The following CXADR variants were observed in gnomAD, a reference collection of about 807,000 sequenced individuals.
CXADR encodes CXADR cell adhesion molecule, also known as coxsackievirus and adenovirus receptor.
A neutral mutation model predicts 40.3 loss-of-function variants in CXADR; 20 were observed. That is an observed-to-expected ratio of 0.50 (90% CI 0.35 to 0.72). The LOEUF is 0.72. Among genes scored for constraint, CXADR ranks in the 30% least tolerant of loss-of-function variants. The pLI, the probability that CXADR is intolerant of heterozygous loss-of-function variation, is 0.01. For synonymous variants in CXADR, 150 were observed against 161.3 expected, an observed-to-expected ratio of 0.93 and a Z score of 0.53; for missense variants, 332 against 449.1, an observed-to-expected ratio of 0.74 and a Z score of 2.36.
chr21:17,553,614 C>CTTTTTTTTT (rs10710377), intron 3 of CXADR, among the ~76,000 whole-genome samples: 4 of 128,272 alleles, frequency 3.1e-5, no homozygotes, highest in Non-Finnish European at 5.1e-5. Flanking sequence ...GGTCCGAATT[C>CTTTTTTTTT]TTTTTTTTTT....
chr21:17,542,975 G>T, intron 1 of CXADR: 1 of 278,960 alleles, frequency 3.6e-6, no homozygotes, highest in Admixed American at 4.8e-5. Flanking sequence ...AGTGTTGCTA[G>T]GAAACCCAGG....
the CXADR span, among the ~76,000 whole-genome samples, chr21:17,616,828 A>G: frequency 6.6e-6 from 1 of 152,240 alleles, no homozygotes. Context: ...GAACTTAGCC[A>G]TGTAACTAAA....
At chr21:17,564,679 C>CT (rs2061178624) in intron 6 of CXADR, among the ~76,000 whole-genome samples, 1 of 152,060 alleles carries the variant, frequency 6.6e-6, no homozygotes, top group Admixed American at 6.5e-5. Flanking sequence ...TTTTAGATAA[C>CT]TTTAATATAA....
At chr21:17,586,296 A>C (rs973175959) in intron 7 of CXADR, among the ~76,000 whole-genome samples, 3 of 151,124 alleles carry the variant, frequency 2.0e-5, no homozygotes, top group African/African-American at 7.3e-5. Context: ...ATTTTGTGAA[A>C]ATTTAAAATT....
downstream of CXADR, among the ~76,000 whole-genome samples, chr21:17,574,816 A>G (rs1305243523): frequency 6.6e-6 from 1 of 152,102 alleles, no homozygotes; most frequent in Non-Finnish European, 1.5e-5. Flanking sequence ...AGATATGCAA[A>G]TGGAGATGTT....
downstream of CXADR, chr21:17,594,451 C>A: frequency 8.5e-7 from 1 of 1,177,516 alleles, no homozygotes; most frequent in Non-Finnish European, 1.2e-6. Context: ...CTAAGTGACA[C>A]TCCTATTGTC....
chr21:17,604,755 C>G, the CXADR span: 27 of 1,356,398 alleles, frequency 2.0e-5, no homozygotes, highest in Admixed American at 3.1e-4. Flanking sequence ...AGTTAAACCA[C>G]CAGCTCCTGG....
At chr21:17,588,309 A>G (rs1346458612) in intron 7 of CXADR, among the ~76,000 whole-genome samples, 1 of 152,204 alleles carries the variant, frequency 6.6e-6, no homozygotes, top group Non-Finnish European at 1.5e-5. Context: ...CATTGAATCT[A>G]TAAATTGCCT....
Position 17,518,987 on chromosome 21 carries a change from G to T in CXADR, c.43+5815G>T, listed in dbSNP as rs984756471. 5 of 1,608,152 alleles carry T rather than the reference G, an allele frequency of 3.1e-6. No individual in the cohort carries two copies. The Admixed American group carries it at 8.3e-5, about 27-fold the overall frequency. ...GCCTGAAGTTTGGCTAACTTTTCTT[G>T]ATTCATGCTGTTGGTAAATCTGAAG... On this transcript the variant is annotated intron_variant, in intron 1 of 6. Coordinates refer to ENST00000284878, the MANE Select transcript of CXADR (RefSeq NM_001338.5).
At chr21:17,596,120 T>C (rs1426292022), downstream of CXADR, among the ~76,000 whole-genome samples, 2 of 152,040 alleles carry the variant, frequency 1.3e-5, no homozygotes, top group East Asian at 3.8e-4. Flanking sequence ...GCCCATTATT[T>C]TTCATTGAAT....
chr21:17,527,403 C>G (rs1267783804), intron 1 of CXADR, among the ~76,000 whole-genome samples: 1 of 152,148 alleles, frequency 6.6e-6, no homozygotes, highest in Non-Finnish European at 1.5e-5. Context: ...ATCTGATTTT[C>G]CATTGTAAAT....
At chr21:17,594,182 G>A (rs542747898), downstream of CXADR, 55 of 1,613,282 alleles carry the variant, frequency 3.4e-5, no homozygotes, top group South Asian at 4.1e-4. Context: ...GGAATTGGGC[G>A]ATATGGTTTA....
chr21:17,593,116 ACTC>A (rs1299621693), intron 7 of CXADR: 3 of 1,318,608 alleles, frequency 2.3e-6, no homozygotes, highest in Non-Finnish European at 2.0e-6. Flanking sequence ...AAAAATCAAA[ACTC>A]TTATAGAGAT....
chr21:17,587,641 T>C (rs1351007689), intron 7 of CXADR, among the ~76,000 whole-genome samples: 1 of 152,228 alleles, frequency 6.6e-6, no homozygotes, highest in African/African-American at 2.4e-5. Flanking sequence ...TATTAGCCCT[T>C]TGTCAGGTGA....
At chr21:17,604,003 C>A in the CXADR span, 3 of 587,862 alleles carry the variant, frequency 5.1e-6, no homozygotes, top group African/African-American at 4.1e-5. Flanking sequence ...GTGCCTGGTC[C>A]ACAAATAATG....
intron 1 of CXADR, 59 bp downstream of exon 1, chr21:17,513,231 C>A: frequency 1.5e-6 from 2 of 1,328,964 alleles, no homozygotes; most frequent in Non-Finnish European, 1.9e-6. Context: ...TCGCTGCCCG[C>A]GGCCACCCAG....
chr21:17,581,459 T>A (rs184306958), intron 7 of CXADR, among the ~76,000 whole-genome samples: 3 of 152,328 alleles, frequency 2.0e-5, no homozygotes, highest in African/African-American at 7.2e-5. Context: ...AACTTCTTGA[T>A]CTTTCCTGAC....
At chr21:17,584,317 C>T (rs763117469) in intron 7 of CXADR, among the ~76,000 whole-genome samples, 2 of 152,176 alleles carry the variant, frequency 1.3e-5, no homozygotes, top group African/African-American at 2.4e-5. Context: ...TAATTAAAGA[C>T]GTAGCTTTGG....
At chr21:17,537,000 C>T (rs138698746) in intron 1 of CXADR, among the ~76,000 whole-genome samples, 77 of 152,232 alleles carry the variant, frequency 5.1e-4, no homozygotes, top group African/African-American at 1.8e-3. Context: ...TCAAATGATC[C>T]GCCCGTCTCA....
Sources: allele counts gnomAD v4.1 joint callset (sites outside exome capture counted in the v4.1 genomes callset), GRCh38; gene constraint gnomAD v4.1.1; transcripts MANE v1.5; gene names NCBI Gene and HGNC (gene_info 2026-07-23, HGNC 2026-07-21).